Variants in LUZP2 observed in about 807,000 individuals in gnomAD.
LUZP2 encodes leucine zipper protein 2.
LUZP2 carries 52 observed loss-of-function variants against 51.6 expected under a neutral mutation model. That is an observed-to-expected ratio of 1.01 (90% CI 0.81 to 1.27). The LOEUF is 1.27. Among genes scored for constraint, LUZP2 ranks in the 50% most tolerant of loss-of-function variants. The pLI is 0.00. For synonymous variants in LUZP2, 154 were observed against 137.3 expected (o/e 1.12, Z -0.85); for missense variants, 436 against 395.4 (o/e 1.10, Z -0.87).
At chr11:24,774,381 T>TATATATATATATACACAC (rs1184772523) in intron 5 of LUZP2, among the ~76,000 whole-genome samples, 1 of 93,986 alleles carries the variant, frequency 1.1e-5, no homozygotes, top group African/African-American at 4.6e-5. Context: ...TATATATATA[T>TATATATATATATACACAC]ACATACACAC....
chr11:24,834,256 C>A (rs1850791176), intron 5 of LUZP2, among the ~76,000 whole-genome samples: 1 of 152,082 alleles, frequency 6.6e-6, no homozygotes, highest in African/African-American at 2.4e-5. Flanking sequence ...GCCCCTCACC[C>A]CCCAACAGGC....
Position 24,711,302 on chromosome 11 carries a change from T to C in LUZP2, c.63-17867T>C, listed in dbSNP as rs186701823. On this transcript the variant is annotated intron_variant, in intron 1 of 11. Coordinates refer to ENST00000336930, the MANE Select transcript of LUZP2 (RefSeq NM_001009909.4). ...CGTCTCTACTAAAAATACAAAAAAT[T>C]AGCCGGGTGTGGCGGCGGGTGCCTG... Among the ~76,000 whole-genome samples, 72 of 151,890 alleles carry C rather than the reference T, an allele frequency of 4.7e-4. 1 individual carries two copies. In the East Asian group the frequency reaches 0.013, roughly 27 times the overall value.
At chr11:24,582,373 A>C (rs183257887) in intron 1 of LUZP2, among the ~76,000 whole-genome samples, 1 of 147,108 alleles carries the variant, frequency 6.8e-6, no homozygotes, top group African/African-American at 2.5e-5. Context: ...AGAGAGATGA[A>C]TAGAAATAAA....
chr11:24,922,843 T>C (rs1469363945), intron 7 of LUZP2, among the ~76,000 whole-genome samples: 11 of 107,164 alleles, frequency 1.0e-4, no homozygotes, highest in Non-Finnish European at 6.9e-5. Flanking sequence ...TTTTCTTTTT[T>C]TTTTTTTTTT....
intron 5 of LUZP2, among the ~76,000 whole-genome samples, chr11:24,782,705 C>T (rs1849129060): frequency 6.6e-6 from 1 of 151,976 alleles, no homozygotes; most frequent in South Asian, 2.1e-4. Flanking sequence ...ATAGTAGGTA[C>T]TCAGCAAGTA....
At chr11:24,684,717 C>T in intron 1 of LUZP2, among the ~76,000 whole-genome samples, 1 of 152,182 alleles carries the variant, frequency 6.6e-6, no homozygotes, top group East Asian at 1.9e-4. Flanking sequence ...CTCCAGCTGT[C>T]TTGCTCTCCA....
At chr11:25,000,227 G>A (rs1031868361) in intron 9 of LUZP2, among the ~76,000 whole-genome samples, 2 of 152,100 alleles carry the variant, frequency 1.3e-5, no homozygotes, top group African/African-American at 2.4e-5. Context: ...ACTTTAGCTA[G>A]ACAGAAAAGT....
intron 1 of LUZP2, among the ~76,000 whole-genome samples, chr11:24,683,913 C>T (rs1329061593): frequency 6.6e-6 from 1 of 151,718 alleles, no homozygotes; most frequent in East Asian, 1.9e-4. Flanking sequence ...ATTGTTACCT[C>T]CAATAAGTAT....
At chr11:24,983,331 A>G in intron 9 of LUZP2, 38 bp downstream of exon 9, 7 of 1,595,036 alleles carry the variant, frequency 4.4e-6, no homozygotes, top group Non-Finnish European at 5.1e-6. Context: ...AAGTAACAGC[A>G]AGTAATGTGT....
chr11:24,555,325 A>G (rs1181422719), intron 1 of LUZP2, among the ~76,000 whole-genome samples: 2 of 152,126 alleles, frequency 1.3e-5, no homozygotes, highest in African/African-American at 4.8e-5. Context: ...GACATAAAAC[A>G]CTTAAAGGGT....
rs372156928 is a variant in LUZP2 at position 25,072,630 on chromosome 11, A to G, written c.859-4699A>G. Among the ~76,000 whole-genome samples, 9 of 152,220 alleles carry G rather than the reference A, an allele frequency of 5.9e-5. No individual in the cohort carries two copies. In the East Asian group the frequency reaches 9.7e-4, roughly 16 times the overall value. On this transcript the variant is annotated intron_variant, in intron 10 of 11. Transcript: ENST00000336930. ...CTCCTTAGATCTTAGCTATAGTTGCAGTTTTCTCTCAGTGACCCCACCTCT... is the reference window on the plus strand; with the variant it reads ...CTCCTTAGATCTTAGCTATAGTTGCGGTTTTCTCTCAGTGACCCCACCTCT...
At chr11:24,842,140 G>T (rs539250110) in intron 5 of LUZP2, among the ~76,000 whole-genome samples, 1 of 150,394 alleles carries the variant, frequency 6.6e-6, no homozygotes, top group African/African-American at 2.4e-5. Context: ...ATTAATATTA[G>T]ACAATATAAT....
At position 24,566,338 on chromosome 11, in the gene LUZP2, T is replaced by A. The variant is rs199725197; in HGVS notation, c.62+69033T>A. On this transcript the variant is annotated intron_variant, in intron 1 of 11. Coordinates refer to ENST00000336930, the MANE Select transcript of LUZP2 (RefSeq NM_001009909.4). ...GTATTATTTATTTATTTTTTTTTTTTTTTTTTTTTTGAGACGTAGTCTCAC... is the reference window on the plus strand; with the variant it reads ...GTATTATTTATTTATTTTTTTTTTTATTTTTTTTTTGAGACGTAGTCTCAC... 2.6e-3 allele frequency among the ~76,000 whole-genome samples: 78 copies of A among 29,534 alleles called. 1 individual carries two copies. Among genetic ancestry groups the A allele is most frequent in the East Asian group, 0.016 (15 of 940 alleles). The allele number at this position is 29,534 out of a possible 152,430, so 19.4% of individuals were successfully genotyped here.
At chr11:24,860,989 G>A (rs1313209493) in intron 5 of LUZP2, among the ~76,000 whole-genome samples, 1 of 152,202 alleles carries the variant, frequency 6.6e-6, no homozygotes, top group Non-Finnish European at 1.5e-5. Context: ...GGCTTCAGAA[G>A]ATGGTAACAA....
chr11:24,636,002 G>T (rs761385001), intron 1 of LUZP2, among the ~76,000 whole-genome samples: 3 of 152,014 alleles, frequency 2.0e-5, no homozygotes, highest in Non-Finnish European at 2.9e-5. Context: ...AATCACACTG[G>T]GTGGCAATCT....
intron 5 of LUZP2, among the ~76,000 whole-genome samples, chr11:24,775,714 C>A (rs937245978): frequency 1.3e-5 from 2 of 152,076 alleles, no homozygotes; most frequent in Non-Finnish European, 2.9e-5. Flanking sequence ...CAGTTGAAAC[C>A]ATGCTCCTTA....
chr11:24,750,820 A>G (rs562187028), intron 4 of LUZP2, among the ~76,000 whole-genome samples: 1 of 152,288 alleles, frequency 6.6e-6, no homozygotes, highest in African/African-American at 2.4e-5. Context: ...ATGTTTCCAT[A>G]TACTGTCAAC....
intron 5 of LUZP2, among the ~76,000 whole-genome samples, chr11:24,896,641 G>C (rs975578021): frequency 2.0e-5 from 3 of 152,144 alleles, no homozygotes; most frequent in Non-Finnish European, 2.9e-5. Flanking sequence ...CCTGCTCCCC[G>C]GTGCCTGGTC....
At position 25,002,383 on chromosome 11, in the gene LUZP2, A is replaced by C. The variant is rs571874485; in HGVS notation, c.765+19090A>C. Among the ~76,000 whole-genome samples, 14 of 152,290 alleles carry C rather than the reference A, an allele frequency of 9.2e-5. No individual in the cohort carries two copies. In the South Asian group the frequency reaches 2.7e-3, roughly 29 times the overall value. ...CTATAATTTGTTGGCAGTCATGCTC[A>C]ATTGGTTCCCCATCCTCTGGGAGAA... On this transcript the variant is annotated intron_variant, in intron 9 of 11. Coordinates refer to ENST00000336930, the MANE Select transcript of LUZP2 (RefSeq NM_001009909.4).
Sources: allele counts gnomAD v4.1 joint callset (sites outside exome capture counted in the v4.1 genomes callset), GRCh38; gene constraint gnomAD v4.1.1; transcripts MANE v1.5; gene names NCBI Gene and HGNC (gene_info 2026-07-23, HGNC 2026-07-21).